PCSK5: variants seen among roughly 807,000 people sequenced by gnomAD.
PCSK5 encodes proprotein convertase subtilisin/kexin type 5.
In PCSK5, 129 loss-of-function variants were observed where a neutral mutation model predicts 233.2. The ratio of observed to expected loss-of-function variants is 0.55; its 90% CI spans 0.48 to 0.64. The LOEUF is 0.64. Among genes scored for constraint, PCSK5 ranks in the 30% least tolerant of loss-of-function variants. The pLI is 0.00. For missense variants in PCSK5, 2,076 were observed against 2,430.1 expected (o/e 0.85, Z 3.06); for synonymous variants, 825 against 879.2 (o/e 0.94, Z 1.09).
At chr9:76,096,171 C>G (rs1831499073) in intron 8 of PCSK5, 69 bp downstream of exon 8, 1 of 848,182 alleles carries the variant, frequency 1.2e-6, no homozygotes, top group East Asian at 2.7e-5. Context: ...AAAGGGAGAA[C>G]CATAAACATA....
chr9:76,216,233 C>T lies in PCSK5; in HGVS notation c.2627-11270C>T, dbSNP rs114709698. On this transcript the variant is annotated intron_variant, in intron 20 of 37. Transcript: ENST00000674117. ...CTACAATGCCACTGGTGGAACCCGG[C>T]GCTCTACAGCATAGATGGGGTAGAG... Among the ~76,000 whole-genome samples the T allele has an allele frequency of 8.2e-3, 1,245 of 152,136 alleles. 15 individuals are homozygous for T. Among genetic ancestry groups the T allele is most frequent in the African/African-American group, 0.029 (1,185 of 41,508 alleles).
At position 76,308,645 on chromosome 9, in the gene PCSK5, A is replaced by C. The variant is rs926047752; in HGVS notation, c.3605A>C (p.Asp1202Ala). 6.3e-7 allele frequency: 1 copy of C among 1,576,476 alleles called. No individual in the cohort carries two copies. Among genetic ancestry groups the C allele is most frequent in the Non-Finnish European group, 8.7e-7 (1 of 1,146,978 alleles). The change falls in exon 29 of 38, where the codon GAT (aspartate) becomes GCT (alanine). Residue 1202 changes from aspartate (D) to alanine (A), a missense_variant and splice_region_variant. Asp to Ala is a moderately radical substitution (Grantham distance 126). This residue lies in a region of PCSK5 where 1,510 missense variants were observed against 1,538.1 expected (regional missense o/e 0.98). Transcript: ENST00000674117. ...RRRWKVQIKR[D>A]ILRKLQPCHS... ...GAACTGTTGTTTCTTTCTCATACAG[A>C]TATTTTGAGAAAACTCCAGCCTTGT...
chr9:76,297,391 G>A (rs1265002258), intron 27 of PCSK5, among the ~76,000 whole-genome samples: 1 of 152,138 alleles, frequency 6.6e-6, no homozygotes, highest in Non-Finnish European at 1.5e-5. Flanking sequence ...CGTCAGTCAA[G>A]CTTGCCTTTA....
At chr9:76,294,461 C>T (rs1006365750) in intron 25 of PCSK5, among the ~76,000 whole-genome samples, 3 of 152,154 alleles carry the variant, frequency 2.0e-5, no homozygotes, top group African/African-American at 7.2e-5. Context: ...TAGTAAGCTG[C>T]CTGGACTCGA....
chr9:75,903,611 T>TATATATATATTA (rs1467469355), intron 1 of PCSK5, among the ~76,000 whole-genome samples: 13 of 139,800 alleles, frequency 9.3e-5, no homozygotes, highest in African/African-American at 3.2e-4. Flanking sequence ...TATATATATA[T>TATATATATATTA]TATATATATA....
chr9:76,184,072 T>C (rs928360921), intron 16 of PCSK5, among the ~76,000 whole-genome samples: 1 of 152,236 alleles, frequency 6.6e-6, no homozygotes, highest in African/African-American at 2.4e-5. Flanking sequence ...ATAGAGATAT[T>C]ATCTGAATTG....
At chr9:75,930,443 C>T (rs913221088) in intron 1 of PCSK5, among the ~76,000 whole-genome samples, 2 of 152,060 alleles carry the variant, frequency 1.3e-5, no homozygotes, top group Non-Finnish European at 2.9e-5. Flanking sequence ...TTAGATGAAG[C>T]GTACGGAATA....
At chr9:76,128,102 A>G (rs939136100) in intron 9 of PCSK5, among the ~76,000 whole-genome samples, 9 of 152,216 alleles carry the variant, frequency 5.9e-5, no homozygotes, top group Non-Finnish European at 1.3e-4. Context: ...CTAGAACTGC[A>G]TAATTTATAC....
intron 7 of PCSK5, among the ~76,000 whole-genome samples, chr9:76,090,384 T>C (rs1282202522): frequency 6.6e-6 from 1 of 152,208 alleles, no homozygotes; most frequent in Non-Finnish European, 1.5e-5. Flanking sequence ...TATCTTTGAA[T>C]TGCTAATTGT....
rs867963685 is a variant in PCSK5, at chr9:76,018,007, C to A, written c.412-5731C>A. The stretch of plus-strand genomic sequence containing the variant: ...GGAAAAGGTTAAAGAAGGTCTCCTC[C>A]AAAAAAAAAAAATGTGTGAGGGAGT... On this transcript the variant is annotated intron_variant, in intron 3 of 37. Coordinates refer to ENST00000674117, the MANE Select transcript of PCSK5 (RefSeq NM_001372043.1). Among the ~76,000 whole-genome samples, 158 of 120,894 alleles carry A rather than the reference C, an allele frequency of 1.3e-3. 1 individual carries two copies. Among genetic ancestry groups the A allele is most frequent in the Admixed American group, 1.7e-3 (20 of 11,910 alleles). The allele number at this position is 120,894 out of a possible 152,430, so 79.3% of individuals were successfully genotyped here. A position where few individuals can be genotyped will look rare whatever the true frequency, so the allele number is the denominator to read the frequency against.
In PCSK5 at chr9:76,316,041, C is replaced by T. The variant is rs573124876; in HGVS notation, c.3884+5190C>T. On this transcript the variant is annotated intron_variant, in intron 30 of 37. Transcript: ENST00000674117. ...GAGAGGGATCTGAAAAAGATTTATTCGTGTTGCGTCTTTTTAGCTCTGTAT... is the reference window on the plus strand; with the variant it reads ...GAGAGGGATCTGAAAAAGATTTATTTGTGTTGCGTCTTTTTAGCTCTGTAT... Among the ~76,000 whole-genome samples the T allele has an allele frequency of 3.6e-4, 52 of 142,758 alleles. No individual in the cohort carries two copies. The South Asian group carries it at 6.3e-3, about 17-fold the overall frequency. 93.7% of individuals were successfully genotyped at this position (142,758 alleles called of 152,430 possible).
At chr9:75,953,227 C>G (rs906675084) in intron 2 of PCSK5, among the ~76,000 whole-genome samples, 1 of 151,996 alleles carries the variant, frequency 6.6e-6, no homozygotes, top group African/African-American at 2.4e-5. Context: ...ATCTGGGAAG[C>G]AAGTATGTGT....
chr9:76,230,923 A>T (rs1483489320), intron 21 of PCSK5, among the ~76,000 whole-genome samples: 8 of 152,220 alleles, frequency 5.3e-5, no homozygotes, highest in Non-Finnish European at 1.0e-4. Context: ...ATGTAATAAT[A>T]ATAGAAATGA....
chr9:76,138,059 A>G (rs1441357741), intron 10 of PCSK5, among the ~76,000 whole-genome samples: 2 of 151,784 alleles, frequency 1.3e-5, no homozygotes, highest in Non-Finnish European at 2.9e-5. Context: ...TTATCTCTTC[A>G]TTTATTTATT....
rs200024812 is a variant in PCSK5 at position 76,323,026 on chromosome 9, A to T, written c.4103-26A>T. Reference sequence around the variant, plus strand: ...TTCCTTTCTCCTACCCCCCGGGGATAACTTGCTGCTTCCTCCTTTTCCCAG... The same window carrying T: ...TTCCTTTCTCCTACCCCCCGGGGATTACTTGCTGCTTCCTCCTTTTCCCAG... On this transcript the variant is annotated intron_variant, in intron 31 of 37. Transcript: ENST00000674117. The T allele has an allele frequency of 1.8e-3, 2,308 of 1,305,408 alleles. 9 individuals carry two copies. The highest frequency in any genetic ancestry group is 1.5e-3 in the Non-Finnish European group (1,426 of 920,672). 80.9% of individuals were successfully genotyped at this position (1,305,408 alleles called of 1,614,324 possible).
intron 31 of PCSK5, among the ~76,000 whole-genome samples, chr9:76,321,985 T>C (rs1829220334): frequency 6.6e-6 from 1 of 152,160 alleles, no homozygotes; most frequent in African/African-American, 2.4e-5. Flanking sequence ...GTTTCACTCT[T>C]GTTGCCCAGG....
chr9:76,119,966 C>T (rs948886524), intron 9 of PCSK5, among the ~76,000 whole-genome samples: 1 of 152,046 alleles, frequency 6.6e-6, no homozygotes, highest in Non-Finnish European at 1.5e-5. Flanking sequence ...CCCTTCCCAG[C>T]CTCTGGTAAC....
intron 14 of PCSK5, 98 bp from the exon 15 acceptor site, chr9:76,179,498 A>G (rs1348905976): frequency 2.6e-6 from 2 of 775,950 alleles, no homozygotes; most frequent in Non-Finnish European, 2.1e-6. Context: ...CTCTCTGCAT[A>G]AGAAAAAAAA....
intron 3 of PCSK5, among the ~76,000 whole-genome samples, chr9:76,007,798 G>T (rs1003896099): frequency 8.6e-6 from 1 of 116,302 alleles, no homozygotes; most frequent in African/African-American, 4.6e-5. Flanking sequence ...GGCTAATTTT[G>T]TGTGTGTGTG....
Sources: allele counts gnomAD v4.1 joint callset (sites outside exome capture counted in the v4.1 genomes callset), GRCh38; gene constraint gnomAD v4.1.1; regional missense constraint gnomAD v4.1.1; transcripts MANE v1.5; gene names NCBI Gene and HGNC (gene_info 2026-07-23, HGNC 2026-07-21).